SNX3: variants seen among roughly 807,000 people sequenced by gnomAD.
SNX3 encodes the protein sorting nexin 3, also known as sorting nexin-3.
Under a neutral mutation model 17.7 loss-of-function variants are expected in SNX3, and 5 were observed. That is an observed-to-expected ratio of 0.28 (90% confidence interval 0.15 to 0.59). The LOEUF is 0.59. SNX3 is among the 20% of genes least tolerant of loss of function. The pLI, the probability that SNX3 is intolerant of heterozygous loss-of-function variation, is 0.88. For missense variants in SNX3, 132 were observed against 206.8 expected, an observed-to-expected ratio of 0.64 and a Z score of 2.22; for synonymous variants, 91 against 76.5, an observed-to-expected ratio of 1.19 and a Z score of -0.99.
chr6:108,242,066 A>AG (rs1227265585), intron 1 of SNX3, among the ~76,000 whole-genome samples: 1 of 152,218 alleles, frequency 6.6e-6, no homozygotes, highest in Non-Finnish European at 1.5e-5. Context: ...AATTAACTGA[A>AG]GGGGATCAAC....
intron 2 of SNX3, among the ~76,000 whole-genome samples, chr6:108,217,143 G>C (rs1406171095): frequency 6.6e-6 from 1 of 151,952 alleles, no homozygotes; most frequent in African/African-American, 2.4e-5. Flanking sequence ...GTAGAATTTA[G>C]CATGAAACTT....
intron 2 of SNX3, among the ~76,000 whole-genome samples, chr6:108,221,239 T>C (rs1363609330): frequency 6.6e-6 from 1 of 151,792 alleles, no homozygotes; most frequent in East Asian, 2.0e-4. Context: ...GTGGCTCCCC[T>C]GGCACTTCCT....
intron 1 of SNX3, among the ~76,000 whole-genome samples, chr6:108,244,781 A>C (rs912241201): frequency 2.0e-5 from 3 of 150,452 alleles, no homozygotes; most frequent in African/African-American, 7.3e-5. Flanking sequence ...CTGGGACTAC[A>C]GGCATGCACC....
At chr6:108,244,622 T>G (rs1335972963) in intron 1 of SNX3, among the ~76,000 whole-genome samples, 1 of 150,998 alleles carries the variant, frequency 6.6e-6, no homozygotes, top group Non-Finnish European at 1.5e-5. Flanking sequence ...TAAAATAATA[T>G]AGTCTATAAG....
intron 1 of SNX3, among the ~76,000 whole-genome samples, chr6:108,224,339 G>T (rs1476948481): frequency 5.3e-5 from 8 of 152,104 alleles, no homozygotes; most frequent in Admixed American, 5.2e-4. Context: ...GTAGTGCAGT[G>T]GCGTGATCTC....
At chr6:108,236,838 CAG>C (rs1775360918) in intron 1 of SNX3, among the ~76,000 whole-genome samples, 1 of 152,074 alleles carries the variant, frequency 6.6e-6, no homozygotes, top group Non-Finnish European at 1.5e-5. Flanking sequence ...CTCTTCCAGT[CAG>C]AGTGATTAGC....
At chr6:108,256,177 G>A (rs999702679) in intron 1 of SNX3, among the ~76,000 whole-genome samples, 3 of 152,196 alleles carry the variant, frequency 2.0e-5, no homozygotes, top group African/African-American at 7.2e-5. Context: ...GCTTCAGTGA[G>A]CTGTGACTGC....
chr6:108,248,731 TCA>T (rs1775764286), intron 1 of SNX3, among the ~76,000 whole-genome samples: 1 of 152,170 alleles, frequency 6.6e-6, no homozygotes, highest in African/African-American at 2.4e-5. Flanking sequence ...AGAGCTGGTA[TCA>T]CAGTTTCTCA....
intron 2 of SNX3, among the ~76,000 whole-genome samples, chr6:108,220,823 TA>T (rs1016243014): frequency 2.8e-4 from 43 of 151,540 alleles, no homozygotes; most frequent in Middle Eastern, 6.8e-3. Flanking sequence ...ACTAAAAATA[TA>T]AAAAAAATTA....
intron 1 of SNX3, among the ~76,000 whole-genome samples, chr6:108,231,492 T>C (rs1239176077): frequency 6.6e-6 from 1 of 152,174 alleles, no homozygotes; most frequent in African/African-American, 2.4e-5. Flanking sequence ...TACATTTGGG[T>C]TTGTCTGTTT....
intron 1 of SNX3, among the ~76,000 whole-genome samples, chr6:108,228,978 G>T (rs1775054797): frequency 2.0e-5 from 3 of 152,128 alleles, no homozygotes; most frequent in Admixed American, 2.0e-4. Context: ...AAAAGTTTCA[G>T]GCTGGGTGCG....
intron 3 of SNX3, among the ~76,000 whole-genome samples, chr6:108,213,333 C>G (rs1275395270): frequency 6.6e-6 from 1 of 152,018 alleles, no homozygotes; most frequent in Non-Finnish European, 1.5e-5. Flanking sequence ...ACTGGGCAAC[C>G]GGACTATTAT....
intron 1 of SNX3, among the ~76,000 whole-genome samples, chr6:108,234,137 G>A (rs1191891910): frequency 1.3e-5 from 2 of 152,030 alleles, no homozygotes; most frequent in Non-Finnish European, 2.9e-5. Context: ...ATTACATGTA[G>A]CATTTACAGC....
intron 1 of SNX3, among the ~76,000 whole-genome samples, chr6:108,227,924 C>T (rs1006746547): frequency 2.0e-5 from 3 of 151,348 alleles, no homozygotes; most frequent in East Asian, 1.9e-4. Flanking sequence ...GATTGAAGGG[C>T]GGAGAGGTTT....
chr6:108,253,767 T>C (rs745920459), intron 1 of SNX3, among the ~76,000 whole-genome samples: 1 of 152,190 alleles, frequency 6.6e-6, no homozygotes, highest in Admixed American at 6.5e-5. Flanking sequence ...GTGAGACAGA[T>C]AGCATGATAA....
chr6:108,219,126 C>T (rs375772188), intron 2 of SNX3, among the ~76,000 whole-genome samples: 16 of 149,930 alleles, frequency 1.1e-4, no homozygotes, highest in East Asian at 6.0e-4. Flanking sequence ...CCAAGGCGGG[C>T]GGATCACAAG....
At chr6:108,216,863 A>C (rs1004495618) in intron 2 of SNX3, among the ~76,000 whole-genome samples, 2 of 152,342 alleles carry the variant, frequency 1.3e-5, no homozygotes, top group Admixed American at 1.3e-4. Flanking sequence ...TACTCTCCTC[A>C]GATGACCAAT....
chr6:108,244,837 C>T (rs533926609), intron 1 of SNX3, among the ~76,000 whole-genome samples: 6 of 151,672 alleles, frequency 4.0e-5, no homozygotes, highest in East Asian at 1.9e-4. Flanking sequence ...GACGGGGTTT[C>T]GCCATGTTGC....
At chr6:108,242,860 C>T (rs1490007956) in intron 1 of SNX3, among the ~76,000 whole-genome samples, 1 of 152,186 alleles carries the variant, frequency 6.6e-6, no homozygotes, top group Non-Finnish European at 1.5e-5. Context: ...GAAGGCTACT[C>T]TAAACTTACA....
Sources: allele counts gnomAD v4.1 joint callset (sites outside exome capture counted in the v4.1 genomes callset), GRCh38; gene constraint gnomAD v4.1.1; transcripts MANE v1.5; gene names NCBI Gene and HGNC (gene_info 2026-07-23, HGNC 2026-07-21).